APC: variants seen among roughly 807,000 people sequenced by gnomAD.
APC encodes adenomatous polyposis coli protein.
APC carries 72 observed loss-of-function variants against 247.0 expected under a neutral mutation model. That is an observed-to-expected ratio of 0.29 (90% confidence interval 0.24 to 0.35). APC has a LOEUF of 0.35. Among genes scored for constraint, APC ranks in the 10% least tolerant of loss-of-function variants. The probability of loss-of-function intolerance (pLI) is 1.00; values close to 1 mark genes in which losing one functional copy is unlikely to be tolerated. For missense variants in APC, 3,400 were observed against 3,360.7 expected, an observed-to-expected ratio of 1.01 and a Z score of -0.29; for synonymous variants, 1,254 against 1,162.5, an observed-to-expected ratio of 1.08 and a Z score of -1.60.
In APC at chr5:112,840,280, C is replaced by A; in HGVS notation, c.4686C>A (p.Asp1562Glu). 6.2e-7 allele frequency: 1 copy of A among 1,614,004 alleles called. No homozygotes were observed. The highest frequency in any genetic ancestry group is 1.1e-5 in the South Asian group (1 of 91,074). ...AAAAAACTATTGATTCTGAAAAGGA[C>A]CTATTAGATGATTCAGATGATGATG... ...EAEKTIDSEK[D>E]LLDDSDDDDI... The change falls in exon 16 of 16, where the codon GAC (aspartate) becomes GAA (glutamate). Residue 1562 changes from aspartate to glutamate, a missense_variant. Coordinates refer to ENST00000257430, the MANE Select transcript of APC (RefSeq NM_000038.6). The surrounding 1 kb of genome is among the most constrained non-coding windows in gnomAD (Gnocchi z 4.1).
chr5:112,797,039 T>C (rs1414900876), intron 7 of APC, among the ~76,000 whole-genome samples: 1 of 152,126 alleles, frequency 6.6e-6, no homozygotes, highest in Middle Eastern at 3.2e-3. Context: ...TCCAGTACTG[T>C]TACAAGTTTC....
At chr5:112,730,799 C>G (rs989651205) in intron 1 of APC, among the ~76,000 whole-genome samples, 4 of 152,012 alleles carry the variant, frequency 2.6e-5, no homozygotes, top group Non-Finnish European at 4.4e-5. Flanking sequence ...TTTCTCTCTC[C>G]TCTAATGTTG....
rs1765478583 is a variant in APC, at chr5:112,839,221, A to T, written c.3627A>T (p.Glu1209Asp). 1 of 1,614,170 alleles carries T rather than the reference A, an allele frequency of 6.2e-7. No homozygotes were observed. The highest frequency in any genetic ancestry group is 8.5e-7 in the Non-Finnish European group (1 of 1,180,020). Residue 1209 changes from glutamate (E) to aspartate (D), a missense_variant, in exon 16 of 16, where the codon GAA (glutamate) becomes GAT (aspartate). By Grantham distance (45) the Glu-to-Asp change is conservative. Coordinates refer to ENST00000257430, the MANE Select transcript of APC (RefSeq NM_000038.6). This position sits in a 1 kb window ranked among gnomAD's most constrained non-coding sequence, Gnocchi z 5.0. ...KSSSGQSSKT[E>D]HMSSSSENTS... ...CATCTGGACAAAGCAGTAAAACCGA[A>T]CATATGTCTTCAAGCAGTGAGAATA...
Position 112,840,877 on chromosome 5 carries a change from C to T in APC, c.5283C>T (p.Asn1761=), listed in dbSNP as rs933729249. The T allele has an allele frequency of 6.2e-7, 1 of 1,613,918 alleles. No homozygotes were observed. Among genetic ancestry groups the T allele is most frequent in the East Asian group, 2.2e-5 (1 of 44,886 alleles). ...CATCTGCGTCTTCTTCTGCACCCAA[C>T]AAAAATCAGTTAGATGGTAAGAAAA... The part of the protein sequence containing the change: ...QQASASSSAP[N]KNQLDGKKKK... The change falls in exon 16 of 16, where the codon AAC becomes AAT. Residue 1761 remains asparagine (N), a synonymous_variant. Transcript: ENST00000257430. This position sits in a 1 kb window ranked among gnomAD's most constrained non-coding sequence, Gnocchi z 4.1.
intron 6 of APC, among the ~76,000 whole-genome samples, chr5:112,790,618 C>G (rs1260481474): frequency 6.6e-6 from 1 of 152,032 alleles, no homozygotes; most frequent in Non-Finnish European, 1.5e-5. Flanking sequence ...CGTGAGCCAC[C>G]GTGCCCGGCA....
intron 13 of APC, 98 bp downstream of exon 13, chr5:112,828,104 C>T: frequency 1.1e-6 from 1 of 947,928 alleles, no homozygotes; most frequent in Admixed American, 2.0e-5. Flanking sequence ...TGTGCAATCT[C>T]AGCTCACTGC....
intron 6 of APC, among the ~76,000 whole-genome samples, chr5:112,790,109 C>G (rs1317954114): frequency 6.6e-6 from 1 of 152,140 alleles, no homozygotes; most frequent in African/African-American, 2.4e-5. Flanking sequence ...GTCTGCCCAC[C>G]TTGGCCTCCC....
chr5:112,840,744 A>T lies in APC; in HGVS notation c.5150A>T (p.Lys1717Ile), dbSNP rs1765859710. The T allele has an allele frequency of 6.2e-7, 1 of 1,614,112 alleles. No individual in the cohort carries two copies. The highest frequency in any genetic ancestry group is 8.5e-7 in the Non-Finnish European group (1 of 1,179,980). ...SVTIPELDDNKAEEGDILAEC... is the reference protein window; with the variant it reads ...SVTIPELDDNIAEEGDILAEC... ...ACCATACCTGAATTGGATGACAATA[A>T]AGCAGAGGAAGGTGATATTCTTGCA... is the stretch of plus-strand genomic sequence containing the variant. The change falls in exon 16 of 16, where the codon AAA becomes ATA. Residue 1717 changes from lysine to isoleucine, a missense_variant. Coordinates refer to ENST00000257430, the MANE Select transcript of APC (RefSeq NM_000038.6). This position sits in a 1 kb window ranked among gnomAD's most constrained non-coding sequence, Gnocchi z 4.1.
intron 6 of APC, among the ~76,000 whole-genome samples, chr5:112,782,092 A>G (rs1758412268): frequency 6.6e-6 from 1 of 152,198 alleles, no homozygotes. Context: ...CAAAAGAAAG[A>G]GGTTTAAGGG....
At chr5:112,738,487 T>A in intron 1 of APC, 1 of 985,714 alleles carries the variant, frequency 1.0e-6, no homozygotes, top group Non-Finnish European at 1.2e-6. Flanking sequence ...GTGGTGGTGT[T>A]GGTTGGTGAA....
chr5:112,807,181 C>A (rs185480150), intron 8 of APC, among the ~76,000 whole-genome samples: 13 of 151,158 alleles, frequency 8.6e-5, no homozygotes, highest in Admixed American at 1.3e-4. Flanking sequence ...GAACTACAGG[C>A]GTGCACCACC....
Position 112,840,920 on chromosome 5 carries a change from G to C in APC, c.5326G>C (p.Val1776Leu), listed in dbSNP as rs768168290. The change falls in exon 16 of 16, where the codon GTA (valine) becomes CTA (leucine). Residue 1776 changes from valine (V) to leucine (L), a missense_variant. By Grantham distance (32) the Val-to-Leu change is conservative. Around this residue, in one of 9 missense-constraint regions of APC, gnomAD observed 1,788 missense variants for 1,649.5 expected, o/e 1.08. Transcript: ENST00000257430. This position sits in a 1 kb window ranked among gnomAD's most constrained non-coding sequence, Gnocchi z 4.1. ...DGKKKKPTSP[V>L]KPIPQNTEYR... ...TAAGAAAAAGAAACCAACTTCACCA[G>C]TAAAACCTATACCACAAAATACTGA... The C allele has an allele frequency of 6.2e-7, 1 of 1,613,868 alleles. No individual in the cohort carries two copies. Among genetic ancestry groups the C allele is most frequent in the South Asian group, 1.1e-5 (1 of 91,082 alleles).
At chr5:112,750,339 T>C (rs561291205) in intron 1 of APC, among the ~76,000 whole-genome samples, 1 of 152,336 alleles carries the variant, frequency 6.6e-6, no homozygotes, top group South Asian at 2.1e-4. Flanking sequence ...ATACCTTGAT[T>C]CTATAAGCAG....
At chr5:112,719,198 A>G (rs571980156) in intron 1 of APC, among the ~76,000 whole-genome samples, 1 of 152,132 alleles carries the variant, frequency 6.6e-6, no homozygotes, top group East Asian at 1.9e-4. Flanking sequence ...GTTCATTTTC[A>G]TTCTTTCCTT....
chr5:112,795,730 G>C (rs1394780719), intron 7 of APC, among the ~76,000 whole-genome samples: 1 of 152,152 alleles, frequency 6.6e-6, no homozygotes, highest in Non-Finnish European at 1.5e-5. Flanking sequence ...TTTTAGATAG[G>C]CAAAGTGTCA....
At chr5:112,740,963 G>A (rs529086564) in intron 1 of APC, among the ~76,000 whole-genome samples, 25 of 152,144 alleles carry the variant, frequency 1.6e-4, no homozygotes, top group Admixed American at 1.2e-3. Context: ...ATGTTTAAAT[G>A]TTCTCTTCAA....
intron 5 of APC, chr5:112,778,552 T>TA (rs1011360752): frequency 1.3e-4 from 19 of 149,132 alleles, no homozygotes; most frequent in Non-Finnish European, 2.4e-4. Flanking sequence ...CGTAACTTAT[T>TA]TTTTTTTTTT....
At chr5:112,820,055 G>C (rs1365803696) in intron 10 of APC, among the ~76,000 whole-genome samples, 2 of 152,062 alleles carry the variant, frequency 1.3e-5, no homozygotes, top group African/African-American at 4.8e-5. Context: ...TTAGACCTCA[G>C]CCCCACTCCC....
intron 5 of APC, among the ~76,000 whole-genome samples, chr5:112,776,082 A>G (rs1462841173): frequency 2.0e-5 from 3 of 152,192 alleles, no homozygotes; most frequent in South Asian, 2.1e-4. Context: ...CCATCTGCCT[A>G]TTTTTTGTAC....
Sources: gnomAD v4.1 joint callset for allele counts (sites outside exome capture counted in the v4.1 genomes callset) on GRCh38, gnomAD v4.1.1 for gene constraint, gnomAD v4.1.1 regional missense constraint, Gnocchi (gnomAD v3.1) non-coding constraint, MANE v1.5 for transcripts, NCBI Gene and HGNC (gene_info 2026-07-23, HGNC 2026-07-21) for gene names.